Variants in IQGAP2 observed in about 807,000 individuals in gnomAD.
IQGAP2 encodes ras GTPase-activating-like protein IQGAP2.
A neutral mutation model predicts 201.3 loss-of-function variants in IQGAP2; 173 were observed. The ratio of observed to expected loss-of-function variants is 0.86; its 90% confidence interval spans 0.76 to 0.98. The LOEUF (loss-of-function observed/expected upper bound fraction) is 0.98, where lower values mean the gene tolerates loss of function less well. Ranked by LOEUF, IQGAP2 falls within the 50% of genes least tolerant of loss-of-function variation. The pLI, the probability that IQGAP2 is intolerant of heterozygous loss-of-function variation, is 0.00. For missense variants in IQGAP2, 1,687 were observed against 1,864.8 expected (o/e 0.90, Z 1.76); for synonymous variants, 675 against 673.9 (o/e 1.00, Z -0.03).
intron 12 of IQGAP2, chr5:76,607,899 T>C (rs192739056): frequency 1.3e-5 from 2 of 152,288 alleles, no homozygotes; most frequent in African/African-American, 4.8e-5. Context: ...TTTCTAACTT[T>C]TTCCCCAATT....
intron 4 of IQGAP2, among the ~76,000 whole-genome samples, chr5:76,571,595 C>T (rs1294088442): frequency 6.6e-6 from 1 of 152,138 alleles, no homozygotes; most frequent in East Asian, 1.9e-4. Context: ...ACATTCAGTG[C>T]TTGTTAAATT....
intron 3 of IQGAP2, among the ~76,000 whole-genome samples, chr5:76,570,308 C>G (rs1745021897): frequency 6.6e-6 from 1 of 152,196 alleles, no homozygotes; most frequent in Non-Finnish European, 1.5e-5. Flanking sequence ...CATCCTTAAG[C>G]ATGAGCTAGA....
intron 2 of IQGAP2, among the ~76,000 whole-genome samples, chr5:76,484,338 C>T (rs180994175): frequency 5.8e-4 from 88 of 152,192 alleles, no homozygotes; most frequent in Non-Finnish European, 9.6e-4. Context: ...GATGTGGGGG[C>T]GCAGGTTGTG....
chr5:76,686,330 ATC>A (rs1745739744), intron 30 of IQGAP2, among the ~76,000 whole-genome samples: 1 of 129,928 alleles, frequency 7.7e-6, no homozygotes. Context: ...AGTCCAGTTT[ATC>A]TGTTTTTTTT....
chr5:76,685,647 G>A (rs933848788), intron 30 of IQGAP2, among the ~76,000 whole-genome samples: 1 of 152,088 alleles, frequency 6.6e-6, no homozygotes, highest in Non-Finnish European at 1.5e-5. Context: ...ACATTGTCCT[G>A]TTTGCCTTAC....
chr5:76,694,901 T>C (rs1311665415), intron 31 of IQGAP2, among the ~76,000 whole-genome samples: 1 of 152,252 alleles, frequency 6.6e-6, no homozygotes, highest in African/African-American at 2.4e-5. Context: ...ATTTATAATG[T>C]GCTAGAATAT....
chr5:76,541,894 A>G (rs1742800731), intron 2 of IQGAP2, among the ~76,000 whole-genome samples: 1 of 152,242 alleles, frequency 6.6e-6, no homozygotes, highest in Non-Finnish European at 1.5e-5. Context: ...GAGAACATGC[A>G]GAGCATAGTT....
At chr5:76,483,354 A>G (rs1755905160) in intron 2 of IQGAP2, among the ~76,000 whole-genome samples, 1 of 152,206 alleles carries the variant, frequency 6.6e-6, no homozygotes, top group African/African-American at 2.4e-5. Flanking sequence ...CTAGAAGTAT[A>G]TGCATGTGGT....
intron 35 of IQGAP2, among the ~76,000 whole-genome samples, chr5:76,706,576 G>A (rs1165494219): frequency 1.3e-5 from 2 of 151,984 alleles, no homozygotes; most frequent in Non-Finnish European, 2.9e-5. Context: ...TCACTCTCCT[G>A]ACCTCAAGTG....
chr5:76,489,531 G>T (rs1407214129), intron 2 of IQGAP2, among the ~76,000 whole-genome samples: 1 of 151,884 alleles, frequency 6.6e-6, no homozygotes, highest in Non-Finnish European at 1.5e-5. Context: ...GCACAATCTC[G>T]GCTCATTGCA....
At chr5:76,635,688 C>CA (rs552080651) in intron 15 of IQGAP2, among the ~76,000 whole-genome samples, 191 of 152,012 alleles carry the variant, frequency 1.3e-3, no homozygotes, top group African/African-American at 4.4e-3. Flanking sequence ...CAAAAAAATA[C>CA]AAAAAATTAG....
At chr5:76,671,395 G>T (rs1744304653) in intron 23 of IQGAP2, among the ~76,000 whole-genome samples, 2 of 152,038 alleles carry the variant, frequency 1.3e-5, no homozygotes, top group African/African-American at 4.8e-5. Context: ...GTTTAAAACT[G>T]TATCCAGGCC....
intron 1 of IQGAP2, among the ~76,000 whole-genome samples, chr5:76,441,729 C>T (rs919208019): frequency 3.3e-5 from 5 of 152,160 alleles, no homozygotes; most frequent in African/African-American, 9.7e-5. Flanking sequence ...ATCACTCTTG[C>T]ATCAGGCATG....
intron 1 of IQGAP2, among the ~76,000 whole-genome samples, chr5:76,446,478 C>T (rs943679606): frequency 9.9e-5 from 15 of 151,998 alleles, no homozygotes; most frequent in East Asian, 5.8e-4. Context: ...AATATTTTGA[C>T]GAAGGAAGAT....
intron 21 of IQGAP2, among the ~76,000 whole-genome samples, chr5:76,664,455 C>T (rs1743547858): frequency 6.6e-6 from 1 of 152,134 alleles, no homozygotes; most frequent in African/African-American, 2.4e-5. Flanking sequence ...AAGGCCAAAG[C>T]GGGTGGATCA....
intron 2 of IQGAP2, among the ~76,000 whole-genome samples, chr5:76,491,488 G>C (rs377037147): frequency 1.3e-5 from 2 of 151,910 alleles, no homozygotes; most frequent in East Asian, 1.9e-4. Context: ...ATTTTTTGTA[G>C]AGATAAGATT....
chr5:76,633,884 C>A (rs1033496721), intron 15 of IQGAP2, among the ~76,000 whole-genome samples: 25 of 152,068 alleles, frequency 1.6e-4, no homozygotes. Flanking sequence ...GGCTAATATT[C>A]CATTGTATGA....
intron 14 of IQGAP2, among the ~76,000 whole-genome samples, chr5:76,631,555 C>T (rs111780507): frequency 5.5e-4 from 84 of 152,258 alleles, no homozygotes; most frequent in Admixed American, 9.2e-4. Flanking sequence ...TATCTATGTT[C>T]GTGTGTATTC....
rs183713330 is a variant in IQGAP2, at chr5:76,587,050, A to G, written c.459-1856A>G. Among the ~76,000 whole-genome samples the G allele has an allele frequency of 1.9e-3, 285 of 152,316 alleles. 2 individuals are homozygous for G. The highest frequency in any genetic ancestry group is 0.012 in the Admixed American group (176 of 15,296). On this transcript the variant is annotated intron_variant, in intron 5 of 35. Transcript: ENST00000274364. ...AAGATATGGTACCTATTAGGTATTTATGGTTTTTTCTCTCAAGATACAATT... is the reference window on the plus strand; with the variant it reads ...AAGATATGGTACCTATTAGGTATTTGTGGTTTTTTCTCTCAAGATACAATT...
Sources: allele counts gnomAD v4.1 joint callset (sites outside exome capture counted in the v4.1 genomes callset), GRCh38; gene constraint gnomAD v4.1.1; transcripts MANE v1.5; gene names NCBI Gene and HGNC (gene_info 2026-07-23, HGNC 2026-07-21).